The following NEDD4L variants were observed in gnomAD, a reference collection of about 807,000 sequenced individuals.
NEDD4L encodes NEDD4 like E3 ubiquitin protein ligase.
NEDD4L carries 54 observed loss-of-function variants against 148.9 expected under a neutral mutation model. That is an observed-to-expected ratio of 0.36 (90% CI 0.29 to 0.45). The LOEUF (loss-of-function observed/expected upper bound fraction) is 0.45, where lower values mean the gene tolerates loss of function less well. NEDD4L is among the 20% of genes least tolerant of loss of function. NEDD4L has a pLI of 1.00. For synonymous variants in NEDD4L, 433 were observed against 440.7 expected, an observed-to-expected ratio of 0.98 and a Z score of 0.22; for missense variants, 856 against 1,233.8, an observed-to-expected ratio of 0.69 and a Z score of 4.59.
chr18:58,249,011 G>A, intron 4 of NEDD4L, 74 bp downstream of exon 4: 8 of 709,342 alleles, frequency 1.1e-5, no homozygotes, highest in Non-Finnish European at 1.8e-5. Context: ...TTCATCTTGA[G>A]GAAAAGCTCT....
intron 19 of NEDD4L, among the ~76,000 whole-genome samples, chr18:58,358,486 G>A (rs571721539): frequency 6.6e-6 from 1 of 152,160 alleles, no homozygotes; most frequent in African/African-American, 2.4e-5. Flanking sequence ...GAAGACTTTT[G>A]ACATAACTTT....
In NEDD4L at chr18:58,318,907, G is replaced by A. The variant is rs1486445376; in HGVS notation, c.348+2875G>A. 2.6e-5 allele frequency among the ~76,000 whole-genome samples: 4 copies of A among 152,118 alleles called. No individual in the cohort carries two copies. The East Asian group carries it at 7.7e-4, about 29-fold the overall frequency. The stretch of plus-strand genomic sequence containing the variant: ...AGAGAGAGCTATTTTAAAACATTAA[G>A]TTTTCCTAAATCCCAGTCATGTGCC... On this transcript the variant is annotated intron_variant, in intron 6 of 30. Transcript: ENST00000400345.
chr18:58,087,907 A>G (rs985148917), intron 1 of NEDD4L, among the ~76,000 whole-genome samples: 1 of 152,230 alleles, frequency 6.6e-6, no homozygotes, highest in African/African-American at 2.4e-5. Flanking sequence ...ATGAACATTT[A>G]CTGCCATACA....
intron 1 of NEDD4L, among the ~76,000 whole-genome samples, chr18:58,096,159 G>T (rs1349715104): frequency 6.6e-6 from 1 of 151,794 alleles, no homozygotes; most frequent in East Asian, 1.9e-4. Flanking sequence ...GTTAGTGTGT[G>T]GCTCTTTTCC....
chr18:58,231,104 A>G (rs895988218), intron 2 of NEDD4L, among the ~76,000 whole-genome samples: 2 of 151,870 alleles, frequency 1.3e-5, no homozygotes, highest in African/African-American at 4.8e-5. Context: ...AAAAAAAATT[A>G]GCCATGTGTG....
At chr18:58,229,912 C>T (rs1181018501) in intron 2 of NEDD4L, among the ~76,000 whole-genome samples, 1 of 152,104 alleles carries the variant, frequency 6.6e-6, no homozygotes, top group Non-Finnish European at 1.5e-5. Flanking sequence ...TCCCTTGAAC[C>T]CAGGAGGCGG....
intron 16 of NEDD4L, among the ~76,000 whole-genome samples, chr18:58,344,827 G>C (rs1270640350): frequency 6.6e-6 from 1 of 152,120 alleles, no homozygotes; most frequent in Non-Finnish European, 1.5e-5. Context: ...CCAGAAACAG[G>C]CTCCAGAAAT....
intron 2 of NEDD4L, chr18:58,194,098 G>A (rs556513191): frequency 9.2e-5 from 14 of 152,392 alleles, no homozygotes; most frequent in African/African-American, 3.1e-4. Context: ...GGGAAAGAAT[G>A]AAGGTTGGAA....
intron 1 of NEDD4L, among the ~76,000 whole-genome samples, chr18:58,159,592 G>A (rs2035944125): frequency 6.6e-6 from 1 of 152,170 alleles, no homozygotes; most frequent in Non-Finnish European, 1.5e-5. Context: ...TCCTGTCTCA[G>A]GACTGGGGCA....
At chr18:58,066,266 A>G (rs1270365319) in intron 1 of NEDD4L, among the ~76,000 whole-genome samples, 1 of 151,876 alleles carries the variant, frequency 6.6e-6, no homozygotes, top group Admixed American at 6.6e-5. Flanking sequence ...CTTTGTACAC[A>G]TTTCTAGGCA....
At chr18:58,225,938 C>G (rs180968415) in intron 2 of NEDD4L, among the ~76,000 whole-genome samples, 7 of 152,286 alleles carry the variant, frequency 4.6e-5, no homozygotes, top group Admixed American at 4.6e-4. Flanking sequence ...GCCATGGTAT[C>G]TCCTAACATT....
chr18:58,397,439 A>T lies in NEDD4L; in HGVS notation c.*1170A>T, dbSNP rs982948839. On this transcript the variant is annotated 3_prime_UTR_variant, in exon 31 of 31. Coordinates refer to ENST00000400345, the MANE Select transcript of NEDD4L (RefSeq NM_001144967.3). ...TCCGGTGCAATATCTATCAATTGTG[A>T]ATCTGGCTGCTGGTGTATAAAAACC... is the stretch of plus-strand genomic sequence containing the variant. 8 of 152,326 alleles carry T rather than the reference A, an allele frequency of 5.3e-5. No homozygotes were observed. Among genetic ancestry groups the T allele is most frequent in the Admixed American group, 1.3e-4 (2 of 15,270 alleles). The allele number at this position is 152,326 out of a possible 1,614,324, so 9.4% of individuals were successfully genotyped here.
chr18:58,328,960 C>T, intron 9 of NEDD4L, 35 bp from the exon 10 acceptor site: 1 of 1,613,320 alleles, frequency 6.2e-7, no homozygotes. Flanking sequence ...TCAACCACTT[C>T]TCTTCTTCTC....
intron 1 of NEDD4L, among the ~76,000 whole-genome samples, chr18:58,128,195 C>T (rs912334707): frequency 2.0e-4 from 31 of 152,094 alleles, no homozygotes; most frequent in Non-Finnish European, 3.5e-4. Flanking sequence ...TACAGGCTCC[C>T]GCCACTGCAC....
intron 1 of NEDD4L, among the ~76,000 whole-genome samples, chr18:58,089,865 A>T (rs2083968907): frequency 7.0e-6 from 1 of 143,126 alleles, no homozygotes; most frequent in African/African-American, 2.6e-5. Flanking sequence ...TTTGAGACAG[A>T]GTCTTACTCT....
intron 8 of NEDD4L, among the ~76,000 whole-genome samples, chr18:58,324,280 A>C (rs962555460): frequency 1.3e-5 from 2 of 152,222 alleles, no homozygotes; most frequent in African/African-American, 4.8e-5. Context: ...ATTTTAGCAG[A>C]GGATGTTAGG....
intron 5 of NEDD4L, among the ~76,000 whole-genome samples, chr18:58,277,568 C>T (rs1457643152): frequency 6.6e-6 from 1 of 151,978 alleles, no homozygotes; most frequent in Non-Finnish European, 1.5e-5. Flanking sequence ...ACCTTCTCAC[C>T]CTCTGGCTTG....
chr18:58,332,566 T>G (rs532355068), intron 11 of NEDD4L, among the ~76,000 whole-genome samples: 1 of 152,158 alleles, frequency 6.6e-6, no homozygotes, highest in African/African-American at 2.4e-5. Context: ...AAAAATTTCT[T>G]GAACCCAGGA....
chr18:58,155,314 TA>T (rs561916350), intron 1 of NEDD4L, among the ~76,000 whole-genome samples: 551 of 136,156 alleles, frequency 4.0e-3, no homozygotes, highest in East Asian at 6.1e-3. Context: ...GTTTTAAGTT[TA>T]AAAAAAAAAA....
Sources: gnomAD v4.1 joint callset for allele counts (sites outside exome capture counted in the v4.1 genomes callset) on GRCh38, gnomAD v4.1.1 for gene constraint, MANE v1.5 for transcripts, NCBI Gene and HGNC (gene_info 2026-07-23, HGNC 2026-07-21) for gene names.